RPS6KA6: variants seen among roughly 807,000 people sequenced by gnomAD.
The protein encoded by RPS6KA6 is ribosomal protein S6 kinase alpha-6.
RPS6KA6 carries 27 observed loss-of-function variants against 65.4 expected under a neutral mutation model. That is an observed-to-expected ratio of 0.41 (90% CI 0.30 to 0.57). The LOEUF is 0.57. RPS6KA6 is among the 20% of genes least tolerant of loss of function. The pLI, the probability that RPS6KA6 is intolerant of heterozygous loss-of-function variation, is 0.24. For missense variants in RPS6KA6, 486 were observed against 555.6 expected, an observed-to-expected ratio of 0.87 and a Z score of 1.26; for synonymous variants, 190 against 184.2, an observed-to-expected ratio of 1.03 and a Z score of -0.26.
At chrX:84,125,139 T>C (rs1240003555) in intron 8 of RPS6KA6, among the ~76,000 whole-genome samples, 1 of 112,257 alleles carries the variant, frequency 8.9e-6, no homozygotes, top group Non-Finnish European at 1.9e-5. Context: ...ACCTGTCTTA[T>C]AAGAAATGCT....
At chrX:84,082,371 T>C (rs918447728) in intron 20 of RPS6KA6, among the ~76,000 whole-genome samples, 43 of 111,207 alleles carry the variant, frequency 3.9e-4, no homozygotes, top group African/African-American at 1.4e-3. Context: ...ATAAAATACA[T>C]AGGAATAGAA....
rs1018019083 is a variant in RPS6KA6, at chrX:84,107,003, C to T, written c.1149G>A (p.Gln383=). The change falls in exon 14 of 22, where the codon CAG becomes CAA. Residue 383 remains glutamine (Q), a synonymous_variant. Transcript: ENST00000262752. ...CAACAAAGCTGAATCCTTTGAAGAG[C>T]TGATGAGCATTTGCACTGGCTGGCA... ...PGLPASANAH[Q]LFKGFSFVAT... is the part of the protein sequence containing the mutation. 1 of 1,202,392 alleles carries T rather than the reference C, an allele frequency of 8.3e-7. No individual in the cohort carries two copies. The highest frequency in any genetic ancestry group is 1.1e-6 in the Non-Finnish European group (1 of 889,937).
chrX:84,165,115 C>T (rs1414347347), intron 1 of RPS6KA6, among the ~76,000 whole-genome samples: 2 of 110,631 alleles, frequency 1.8e-5, no homozygotes, highest in Non-Finnish European at 3.8e-5. Context: ...GCAGAGTTGA[C>T]CAGTTGTGAC....
chrX:84,180,700 G>C (rs780463166), intron 1 of RPS6KA6, among the ~76,000 whole-genome samples: 1 of 111,880 alleles, frequency 8.9e-6, no homozygotes, highest in African/African-American at 3.2e-5. Flanking sequence ...GGATTTTGTT[G>C]ACATTTATTT....
intron 20 of RPS6KA6, among the ~76,000 whole-genome samples, chrX:84,095,093 ATAC>A (rs1489249715): frequency 8.9e-6 from 1 of 111,740 alleles, no homozygotes; most frequent in African/African-American, 3.2e-5. Context: ...CAGCATACTC[ATAC>A]TAAGGTTAAG....
intron 2 of RPS6KA6, among the ~76,000 whole-genome samples, chrX:84,163,807 GTA>G (rs2035556323): frequency 9.0e-6 from 1 of 111,529 alleles, no homozygotes; most frequent in African/African-American, 3.3e-5. Flanking sequence ...TAAGACTCTA[GTA>G]TCTAGGCATT....
Position 84,107,720 on chromosome X carries a change from T to G in RPS6KA6, c.1014A>C (p.Leu338Phe). The G allele has an allele frequency of 9.0e-7, 1 of 1,105,806 alleles. No homozygotes were observed. The highest frequency in any genetic ancestry group is 1.2e-6 in the Non-Finnish European group (1 of 803,692). 91.1% of individuals were successfully genotyped at this position (1,105,806 alleles called of 1,213,427 possible). Reference sequence around the variant, plus strand: ...AAGGAGGTTGAACTTCTCTTTTATATAATTTCTAGAAGGGACAACCAGATA... The same window carrying G: ...AAGGAGGTTGAACTTCTCTTTTATAGAATTTCTAGAAGGGACAACCAGATA... Reference protein sequence around the residue: ...LFFANIDWDKLYKREVQPPFK... With the variant: ...LFFANIDWDKFYKREVQPPFK... Residue 338 changes from leucine to phenylalanine, a missense_variant, in exon 13 of 22, where the codon TTA (leucine) becomes TTC (phenylalanine). Transcript: ENST00000262752.
At chrX:84,143,861 G>A (rs781140152) in intron 6 of RPS6KA6, among the ~76,000 whole-genome samples, 9 of 111,280 alleles carry the variant, frequency 8.1e-5, no homozygotes, top group African/African-American at 2.9e-4. Flanking sequence ...ACAGAACAGA[G>A]TATCCAGAAA....
chrX:84,155,039 A>T (rs917912575), intron 3 of RPS6KA6, among the ~76,000 whole-genome samples: 10 of 106,014 alleles, frequency 9.4e-5, no homozygotes, highest in Admixed American at 3.1e-4. Flanking sequence ...GTGTCCAGAA[A>T]TTTTTTTTTT....
At chrX:84,152,689 A>G (rs189005372) in intron 3 of RPS6KA6, among the ~76,000 whole-genome samples, 18 of 111,638 alleles carry the variant, frequency 1.6e-4, no homozygotes, top group African/African-American at 4.5e-4. Context: ...ATACAGAAAT[A>G]AACTGTGAAC....
intron 20 of RPS6KA6, among the ~76,000 whole-genome samples, chrX:84,066,139 C>T (rs1349398529): frequency 9.0e-6 from 1 of 111,020 alleles, no homozygotes; most frequent in Non-Finnish European, 1.9e-5. Flanking sequence ...TGTGCCTACA[C>T]CACCAGGGTC....
intron 1 of RPS6KA6, among the ~76,000 whole-genome samples, chrX:84,168,179 CT>C (rs1435802304): frequency 1.8e-5 from 2 of 110,353 alleles, no homozygotes; most frequent in African/African-American, 6.7e-5. Flanking sequence ...TCCTTTGCTG[CT>C]TTTTTTCAAT....
intron 3 of RPS6KA6, among the ~76,000 whole-genome samples, chrX:84,153,228 C>T (rs1343325243): frequency 1.8e-5 from 2 of 111,740 alleles, no homozygotes; most frequent in Admixed American, 1.9e-4. Flanking sequence ...AAGTCCTGTA[C>T]TTAAAGTCTT....
At chrX:84,159,049 TACATGCGTGCACACACATATAC>T (rs2035465787) in intron 2 of RPS6KA6, among the ~76,000 whole-genome samples, 1 of 111,322 alleles carries the variant, frequency 9.0e-6, no homozygotes, top group African/African-American at 3.3e-5. Flanking sequence ...CATATGTGCA[TACATGCGTGCACACACATATAC>T]ACATGTGTGT....
intron 20 of RPS6KA6, among the ~76,000 whole-genome samples, chrX:84,076,383 T>A (rs890331963): frequency 8.9e-6 from 1 of 111,785 alleles, no homozygotes; most frequent in Non-Finnish European, 1.9e-5. Context: ...ACATCCCTCA[T>A]GAACACAGAT....
rs1486096689 is a variant in RPS6KA6, at chrX:84,171,182, T to G, written c.82-6795A>C. 6.3e-5 allele frequency among the ~76,000 whole-genome samples: 7 copies of G among 111,386 alleles called. No individual in the cohort carries two copies. The East Asian group carries it at 1.7e-3, about 27-fold the overall frequency. ...AACAGCTGAAACCTTGATTACATTT[T>G]TGTGGGAATCGAAGCAGAGGACCAA... On this transcript the variant is annotated intron_variant, in intron 1 of 21. Transcript: ENST00000262752.
rs764596613 is a variant in RPS6KA6 at position 84,065,082 on chromosome X, G to A, written c.2001C>T (p.Asp667=). ...GTTCAGCAGTATACCGCTGATGTGG[G>A]TCCATATGAAGCATATGGGAAAGCA... ...KDLLSHMLHM[D]PHQRYTAEQI... is the part of the protein sequence containing the mutation. The change falls in exon 21 of 22, where the codon GAC becomes GAT. Residue 667 remains aspartate, a synonymous_variant. Coordinates refer to ENST00000262752, the MANE Select transcript of RPS6KA6 (RefSeq NM_014496.5). 3.3e-6 allele frequency: 4 copies of A among 1,198,572 alleles called. No individual in the cohort carries two copies. In the East Asian group the frequency reaches 8.9e-5, roughly 27 times the overall value.
chrX:84,068,229 C>CT (rs1452503219), intron 20 of RPS6KA6, among the ~76,000 whole-genome samples: 1 of 111,647 alleles, frequency 9.0e-6, no homozygotes, highest in African/African-American at 3.3e-5. Context: ...AAATAACCAG[C>CT]TAGCATCATG....
chrX:84,133,599 G>A (rs977786527), intron 8 of RPS6KA6, among the ~76,000 whole-genome samples: 1 of 110,955 alleles, frequency 9.0e-6, no homozygotes, highest in Non-Finnish European at 1.9e-5. Flanking sequence ...AATGTAGAGA[G>A]AGAAAAATAG....
Sources: allele counts gnomAD v4.1 joint callset (sites outside exome capture counted in the v4.1 genomes callset), GRCh38; gene constraint gnomAD v4.1.1; transcripts MANE v1.5; gene names NCBI Gene and HGNC (gene_info 2026-07-23, HGNC 2026-07-21).